The following FARS2 variants were observed in gnomAD, a reference collection of about 807,000 sequenced individuals.
The protein encoded by FARS2 is phenylalanyl-tRNA synthetase 2, mitochondrial.
FARS2 carries 40 observed loss-of-function variants against 46.4 expected under a neutral mutation model. That is an observed-to-expected ratio of 0.86 (90% confidence interval 0.67 to 1.12). FARS2 has a LOEUF of 1.12. Ranked by LOEUF, FARS2 falls within the 50% of genes most tolerant of loss-of-function variation. The pLI is 0.00. For missense variants in FARS2, 513 were observed against 567.9 expected (o/e 0.90, Z 0.98); for synonymous variants, 234 against 214.9 (o/e 1.09, Z -0.78).
chr6:5,654,554 C>G (rs375514756), intron 6 of FARS2, among the ~76,000 whole-genome samples: 3 of 152,062 alleles, frequency 2.0e-5, no homozygotes, highest in Non-Finnish European at 4.4e-5. Flanking sequence ...AGTGTAACAC[C>G]GAAAAGCATT....
At chr6:5,390,632 T>C (rs1760448707) in intron 2 of FARS2, among the ~76,000 whole-genome samples, 1 of 152,192 alleles carries the variant, frequency 6.6e-6, no homozygotes, top group Admixed American at 6.5e-5. Flanking sequence ...ATAAGGAACA[T>C]TTATTTGGTC....
chr6:5,346,318 C>T (rs950011610), intron 1 of FARS2, among the ~76,000 whole-genome samples: 10 of 152,174 alleles, frequency 6.6e-5, no homozygotes, highest in African/African-American at 1.9e-4. Context: ...TCATCACCTC[C>T]AGCGGTGATT....
At chr6:5,634,567 TC>T (rs936765100) in intron 6 of FARS2, among the ~76,000 whole-genome samples, 1 of 152,176 alleles carries the variant, frequency 6.6e-6, no homozygotes, top group Admixed American at 6.5e-5. Flanking sequence ...CAAGCTATCC[TC>T]CCACCTTCAC....
In FARS2 at chr6:5,676,927, A is replaced by G. The variant is rs960654505; in HGVS notation, c.1217+63607A>G. Among the ~76,000 whole-genome samples the G allele has an allele frequency of 2.0e-5, 3 of 152,228 alleles. No individual in the cohort carries two copies. In the East Asian group the frequency reaches 5.8e-4, roughly 29 times the overall value. ...ATTTACCTAGTACAAAGAAAATTCC[A>G]TTTGAGAAAACCACAGAGTATAGTC... On this transcript the variant is annotated intron_variant, in intron 6 of 6. Transcript: ENST00000274680.
At chr6:5,317,253 T>A (rs1044647742) in intron 1 of FARS2, among the ~76,000 whole-genome samples, 2 of 152,128 alleles carry the variant, frequency 1.3e-5, no homozygotes, top group African/African-American at 4.8e-5. Context: ...ACATAATAGG[T>A]TCTGTCTAGT....
chr6:5,656,740 G>A (rs1351129387), intron 6 of FARS2, among the ~76,000 whole-genome samples: 1 of 152,038 alleles, frequency 6.6e-6, no homozygotes, highest in Non-Finnish European at 1.5e-5. Context: ...GTAGAGACAG[G>A]GTTTCACCAT....
chr6:5,432,274 A>G (rs1763213116), intron 4 of FARS2, among the ~76,000 whole-genome samples: 2 of 141,070 alleles, frequency 1.4e-5, no homozygotes, highest in Non-Finnish European at 3.0e-5. Context: ...CGAGATCGCT[A>G]TACTGCAGCC....
intron 4 of FARS2, among the ~76,000 whole-genome samples, chr6:5,468,797 T>C (rs1765653461): frequency 6.6e-6 from 1 of 152,210 alleles, no homozygotes; most frequent in South Asian, 2.1e-4. Context: ...AAAATGACAG[T>C]GAGATAAGAG....
At chr6:5,489,170 C>G (rs1313023406) in intron 4 of FARS2, among the ~76,000 whole-genome samples, 1 of 152,040 alleles carries the variant, frequency 6.6e-6, no homozygotes, top group Admixed American at 6.6e-5. Context: ...ATAGGACAGT[C>G]AGGCTGGGTG....
chr6:5,647,990 T>C (rs1160048071), intron 6 of FARS2, among the ~76,000 whole-genome samples: 1 of 152,220 alleles, frequency 6.6e-6, no homozygotes, highest in Non-Finnish European at 1.5e-5. Flanking sequence ...GAAGTAATAA[T>C]ATTTTCTACT....
intron 1 of FARS2, among the ~76,000 whole-genome samples, chr6:5,306,671 C>G (rs979800009): frequency 6.6e-6 from 1 of 152,152 alleles, no homozygotes; most frequent in Non-Finnish European, 1.5e-5. Context: ...AAGCCACTTT[C>G]TTTCTGGGAG....
At chr6:5,439,262 A>G (rs1229550176) in intron 4 of FARS2, among the ~76,000 whole-genome samples, 2 of 152,144 alleles carry the variant, frequency 1.3e-5, no homozygotes, top group Non-Finnish European at 2.9e-5. Flanking sequence ...ATATCTGTGC[A>G]GGTTTCCACA....
intron 1 of FARS2, among the ~76,000 whole-genome samples, chr6:5,341,915 T>A (rs1468826958): frequency 6.6e-6 from 1 of 152,162 alleles, no homozygotes; most frequent in Non-Finnish European, 1.5e-5. Context: ...TTACCTGAGC[T>A]GAAAAAAATG....
chr6:5,732,155 T>C (rs1367740286), intron 6 of FARS2, among the ~76,000 whole-genome samples: 1 of 152,228 alleles, frequency 6.6e-6, no homozygotes, highest in African/African-American at 2.4e-5. Flanking sequence ...GCACCTGCTA[T>C]GTACCAGCCA....
chr6:5,370,959 A>G (rs78912744), intron 2 of FARS2, among the ~76,000 whole-genome samples: 3,778 of 152,280 alleles, frequency 0.025, 158 homozygotes, highest in African/African-American at 0.086. Flanking sequence ...AAACCTCGCA[A>G]GGTAGATCAT....
At chr6:5,390,196 T>G (rs1334769433) in intron 2 of FARS2, among the ~76,000 whole-genome samples, 1 of 152,198 alleles carries the variant, frequency 6.6e-6, no homozygotes, top group African/African-American at 2.4e-5. Flanking sequence ...AGTACTTACC[T>G]TGCTTGTTTA....
intron 1 of FARS2, among the ~76,000 whole-genome samples, chr6:5,274,007 C>T (rs1766151840): frequency 6.6e-6 from 1 of 152,092 alleles, no homozygotes; most frequent in South Asian, 2.1e-4. Flanking sequence ...AAATCTCTTA[C>T]TCTACCTAAT....
chr6:5,644,925 T>C (rs897909284), intron 6 of FARS2, among the ~76,000 whole-genome samples: 2 of 152,204 alleles, frequency 1.3e-5, no homozygotes, highest in African/African-American at 4.8e-5. Context: ...CTCAGGATCA[T>C]TGAAGACTCA....
At chr6:5,664,019 C>G (rs1283678682) in intron 6 of FARS2, among the ~76,000 whole-genome samples, 6 of 152,262 alleles carry the variant, frequency 3.9e-5, no homozygotes, top group Non-Finnish European at 8.8e-5. Flanking sequence ...CCCCCCTGGC[C>G]TCCTCAGCCC....
Sources: allele counts gnomAD v4.1 joint callset (sites outside exome capture counted in the v4.1 genomes callset), GRCh38; gene constraint gnomAD v4.1.1; transcripts MANE v1.5; gene names NCBI Gene and HGNC (gene_info 2026-07-23, HGNC 2026-07-21).